Variants in C1QBP observed in about 807,000 individuals in gnomAD.
The protein encoded by C1QBP is complement C1q binding protein, also known as complement component 1 Q subcomponent-binding protein, mitochondrial.
Under a neutral mutation model 29.4 loss-of-function variants are expected in C1QBP, and 24 were observed. That is an observed-to-expected ratio of 0.82 (90% CI 0.59 to 1.15). The LOEUF is 1.15. Among genes scored for constraint, C1QBP ranks in the 50% most tolerant of loss-of-function variants. C1QBP has a pLI of 0.00. For synonymous variants in C1QBP, 182 were observed against 149.2 expected (o/e 1.22, Z -1.60); for missense variants, 337 against 355.8 (o/e 0.95, Z 0.43).
Position 5,438,953 on chromosome 17 carries a change from G to T in C1QBP, c.121C>A (p.Arg41=). The T allele has an allele frequency of 6.6e-7, 1 of 1,514,552 alleles. No homozygotes were observed. Among genetic ancestry groups the T allele is most frequent in the South Asian group, 1.2e-5 (1 of 81,050 alleles). The allele number at this position is 1,514,552 out of a possible 1,614,324, so 93.8% of individuals were successfully genotyped here. A position where few individuals can be genotyped will look rare whatever the true frequency, so the allele number is the denominator to read the frequency against. The change falls in exon 1 of 6, where the codon CGG becomes AGG. Residue 41 remains arginine, a synonymous_variant. Coordinates refer to ENST00000225698, the MANE Select transcript of C1QBP (RefSeq NM_001212.4). ...CGCACGCTGAGCAGCCCGAAGGGCCGGGTGCACAGCCGGGGTGCCGGCTGC... is the reference window on the plus strand; with the variant it reads ...CGCACGCTGAGCAGCCCGAAGGGCCTGGTGCACAGCCGGGGTGCCGGCTGC... ...LLQPAPRLCT[R]PFGLLSVRAG... is the part of the protein sequence containing the mutation.
chr17:5,438,739 G>GGTT, intron 1 of C1QBP, 103 bp downstream of exon 1: 1 of 1,541,254 alleles, frequency 6.5e-7, no homozygotes, highest in Non-Finnish European at 8.7e-7. Context: ...GCCAATCAAT[G>GGTT]GAAAAATGTC....
rs1294859290 is a variant in C1QBP, at chr17:5,434,462, C to CTTT, written c.477+410_477+411insAAA. On this transcript the variant is annotated intron_variant, in intron 3 of 5. Coordinates refer to ENST00000225698, the MANE Select transcript of C1QBP (RefSeq NM_001212.4). ...CTCTTATGCCCCTGCCATTCTCTCT[C>CTTT]TCTTTTTTTTTTTTTTTTTTTTTTG... is the stretch of plus-strand genomic sequence containing the variant. Among the ~76,000 whole-genome samples the CTTT allele has an allele frequency of 9.2e-5, 10 of 108,110 alleles. No individual in the cohort carries two copies. In the East Asian group the frequency reaches 3.4e-3, roughly 37 times the overall value. 70.9% of individuals were successfully genotyped at this position (108,110 alleles called of 152,430 possible). A position where few individuals can be genotyped will look rare whatever the true frequency, so the allele number is the denominator to read the frequency against.
intron 2 of C1QBP, among the ~76,000 whole-genome samples, chr17:5,435,545 T>C (rs1916246171): frequency 6.6e-6 from 1 of 151,634 alleles, no homozygotes. Context: ...TAGAGACTCA[T>C]CCCTTAGAGT....
In C1QBP at chr17:5,438,897, C is replaced by T; in HGVS notation, c.177G>A (p.Leu59=). The T allele has an allele frequency of 1.3e-6, 2 of 1,540,676 alleles. No homozygotes were observed. The highest frequency in any genetic ancestry group is 2.0e-5 in the Admixed American group (1 of 50,598). ...RAGSERRPGL[L]RPRGPCACGC... is the part of the protein sequence containing the mutation. ...CACAGGCGCAGGGTCCGCGAGGCCGCAGGAGGCCCGGCCGCCGCTCGGAAC... is the reference window on the plus strand; with the variant it reads ...CACAGGCGCAGGGTCCGCGAGGCCGTAGGAGGCCCGGCCGCCGCTCGGAAC... The change falls in exon 1 of 6, where the codon CTG becomes CTA. Residue 59 remains leucine, a synonymous_variant. Coordinates refer to ENST00000225698, the MANE Select transcript of C1QBP (RefSeq NM_001212.4).
rs556979926 is a variant in C1QBP, at chr17:5,436,044, GAA to G, written c.384-1080_384-1079del. On this transcript the variant is annotated intron_variant, in intron 2 of 5. Coordinates refer to ENST00000225698, the MANE Select transcript of C1QBP (RefSeq NM_001212.4). The stretch of plus-strand genomic sequence containing the variant: ...CTGGAGACACAGCAAGACTCTGTCA[GAA>G]AAAAAAAAAAAAAAAAAAGAGTACA... 1.3e-3 allele frequency among the ~76,000 whole-genome samples: 115 copies of G among 85,320 alleles called. 3 individuals carry two copies. The East Asian group carries it at 0.017, about 12-fold the overall frequency. The allele number at this position is 85,320 out of a possible 152,430, so 56.0% of individuals were successfully genotyped here.
chr17:5,437,577 C>G (rs771125673), intron 2 of C1QBP, among the ~76,000 whole-genome samples: 3 of 152,196 alleles, frequency 2.0e-5, no homozygotes, highest in Admixed American at 2.0e-4. Context: ...TCCCAAAGTG[C>G]TGGGATTATG....
intron 2 of C1QBP, among the ~76,000 whole-genome samples, chr17:5,437,764 A>G (rs1916314241): frequency 6.6e-6 from 1 of 152,254 alleles, no homozygotes; most frequent in South Asian, 2.1e-4. Context: ...GGCAGCCCTT[A>G]CTACAGTGTA....
rs1050461 is a variant in C1QBP, at chr17:5,432,890, T to C, written c.*125A>G. On this transcript the variant is annotated 3_prime_UTR_variant, in exon 6 of 6. Transcript: ENST00000225698. Reference sequence around the variant, plus strand: ...AGAACACAAAACATATAATTTAAATTTGGTATTTTTTCCCCCATGATATTA... The same window carrying C: ...AGAACACAAAACATATAATTTAAATCTGGTATTTTTTCCCCCATGATATTA... The C allele has an allele frequency of 0.26, 289,763 of 1,131,202 alleles. 46,726 individuals carry two copies. The highest frequency in any genetic ancestry group is 0.8 in the East Asian group (32,086 of 40,242). 70.1% of individuals were successfully genotyped at this position (1,131,202 alleles called of 1,614,324 possible). A position where few individuals can be genotyped will look rare whatever the true frequency, so the allele number is the denominator to read the frequency against.
In C1QBP at chr17:5,434,814, T is replaced by G. The variant is rs1044711661; in HGVS notation, c.477+59A>C. The G allele has an allele frequency of 2.0e-6, 3 of 1,497,996 alleles. No homozygotes were observed. In the South Asian group the frequency reaches 3.4e-5, roughly 17 times the overall value. 92.8% of individuals were successfully genotyped at this position (1,497,996 alleles called of 1,614,324 possible). A position where few individuals can be genotyped will look rare whatever the true frequency, so the allele number is the denominator to read the frequency against. ...AGACCAAAGAAAAACGCTCCTCCTC[T>G]AAGCCCCAGGCACAGCCTGTCAGAA... On this transcript the variant is annotated intron_variant, in intron 3 of 5. Transcript: ENST00000225698.
At chr17:5,435,086 C>G (rs926388762) in intron 2 of C1QBP, 120 bp from the exon 3 acceptor site, 5 of 852,996 alleles carry the variant, frequency 5.9e-6, no homozygotes, top group Admixed American at 2.1e-5. Context: ...AACAATGTCT[C>G]TGTCCTAGCT....
chr17:5,435,434 C>T (rs189277767), intron 2 of C1QBP, among the ~76,000 whole-genome samples: 13 of 152,164 alleles, frequency 8.5e-5, no homozygotes, highest in Admixed American at 2.0e-4. Flanking sequence ...GAAAATTTGC[C>T]CTGCAAGGAA....
chr17:5,436,044 GAAAA>G (rs556979926), intron 2 of C1QBP, among the ~76,000 whole-genome samples: 9 of 85,312 alleles, frequency 1.1e-4, no homozygotes, highest in Admixed American at 9.3e-4. Flanking sequence ...GACTCTGTCA[GAAAA>G]AAAAAAAAAA....
Position 5,433,101 on chromosome 17 carries a change from C to T in C1QBP, c.763G>A (p.Glu255Lys). The T allele has an allele frequency of 6.2e-7, 1 of 1,614,148 alleles. No homozygotes were observed. Residue 255 changes from glutamate to lysine, a missense_variant, in exon 6 of 6, where the codon GAG becomes AAG. By Grantham distance (56) the Glu-to-Lys change is moderately conservative (BLOSUM62 1). Coordinates refer to ENST00000225698, the MANE Select transcript of C1QBP (RefSeq NM_001212.4). ...AGGGCTGTGCTGAGCTCCACCAGCT[C>T]ATCTGCAAAAGTGTTGTCCACCCCT... ...DRGVDNTFAD[E>K]LVELSTALEH...
intron 2 of C1QBP, among the ~76,000 whole-genome samples, chr17:5,435,200 G>C (rs1340047526): frequency 6.6e-6 from 1 of 152,194 alleles, no homozygotes; most frequent in African/African-American, 2.4e-5. Context: ...GCTGCTGGAA[G>C]CCAAAGCTGG....
At chr17:5,434,287 C>T (rs1015014792) in intron 3 of C1QBP, among the ~76,000 whole-genome samples, 2 of 152,138 alleles carry the variant, frequency 1.3e-5, no homozygotes, top group African/African-American at 2.4e-5. Context: ...CAGAGAGCTG[C>T]GCCGTCCACA....
At chr17:5,435,063 A>G in intron 2 of C1QBP, 97 bp from the exon 3 acceptor site, 1 of 1,080,796 alleles carries the variant, frequency 9.3e-7, no homozygotes, top group Non-Finnish European at 1.4e-6. Context: ...CTACAGTTAA[A>G]AAGGCGTATT....
Position 5,434,980 on chromosome 17 carries a change from G to A in C1QBP, c.384-14C>T. 1 of 1,606,214 alleles carries A rather than the reference G, an allele frequency of 6.2e-7. No homozygotes were observed. Among genetic ancestry groups the A allele is most frequent in the Non-Finnish European group, 8.5e-7 (1 of 1,173,918 alleles). ...GTGACCGTGATTCTAAAACGGCAAG[G>A]GAAAACAGACAAGGCAAAACAGACA... On this transcript the variant is annotated splice_polypyrimidine_tract_variant and intron_variant, in intron 2 of 5. Coordinates refer to ENST00000225698, the MANE Select transcript of C1QBP (RefSeq NM_001212.4).
chr17:5,434,541 C>T lies in C1QBP; in HGVS notation c.477+332G>A, dbSNP rs529200576. 1.5e-3 allele frequency: 246 copies of T among 161,486 alleles called. 7 individuals carry two copies. Among genetic ancestry groups the T allele is most frequent in the South Asian group, 9.7e-3 (75 of 7,748 alleles). 10.0% of individuals were successfully genotyped at this position (161,486 alleles called of 1,614,324 possible). ...GGAGTGCAGTGGTGTGATCTTGGCTCACCGCAACCTCTGCCTCCCGGGTTC... is the reference window on the plus strand; with the variant it reads ...GGAGTGCAGTGGTGTGATCTTGGCTTACCGCAACCTCTGCCTCCCGGGTTC... On this transcript the variant is annotated intron_variant, in intron 3 of 5. Coordinates refer to ENST00000225698, the MANE Select transcript of C1QBP (RefSeq NM_001212.4).
intron 2 of C1QBP, among the ~76,000 whole-genome samples, chr17:5,437,483 C>T (rs41307946): frequency 0.019 from 2,885 of 152,286 alleles, 39 homozygotes; most frequent in Middle Eastern, 0.041. Context: ...ACTACAGGCA[C>T]GTGCCACCAT....
Sources: gnomAD v4.1 joint callset for allele counts (sites outside exome capture counted in the v4.1 genomes callset) on GRCh38, gnomAD v4.1.1 for gene constraint, MANE v1.5 for transcripts, NCBI Gene and HGNC (gene_info 2026-07-23, HGNC 2026-07-21) for gene names.